The following MRPL13 variants were observed in gnomAD, a reference collection of about 807,000 sequenced individuals.
MRPL13 encodes large ribosomal subunit protein uL13m.
In MRPL13, 33 loss-of-function variants were observed where a neutral mutation model predicts 29.0. The observed-to-expected ratio is 1.14, with a 90% CI of 0.86 to 1.52. The LOEUF (loss-of-function observed/expected upper bound fraction) is 1.52, where lower values mean the gene tolerates loss of function less well. MRPL13 is among the 40% of genes most tolerant of loss of function. The pLI, the probability that MRPL13 is intolerant of heterozygous loss-of-function variation, is 0.00. For synonymous variants in MRPL13, 77 were observed against 68.4 expected (o/e 1.13, Z -0.62); for missense variants, 227 against 216.7 (o/e 1.05, Z -0.30).
In MRPL13 at chr8:120,399,949, T is replaced by C. The variant is rs72678261; in HGVS notation, c.516-3824A>G. Among the ~76,000 whole-genome samples the C allele has an allele frequency of 1.2e-3, 188 of 152,288 alleles. 1 individual carries two copies. Among genetic ancestry groups the C allele is most frequent in the Non-Finnish European group, 2.0e-3 (138 of 68,026 alleles). ...TCAAGAGTTAACTATCCTAAATATA[T>C]ATGCACCTAATTCAGGAGTACGCAG... On this transcript the variant is annotated intron_variant, in intron 6 of 6. Transcript: ENST00000306185.
At chr8:120,412,418 T>G (rs977277233) in intron 6 of MRPL13, among the ~76,000 whole-genome samples, 1 of 152,230 alleles carries the variant, frequency 6.6e-6, no homozygotes. Flanking sequence ...ACTTCAAGTG[T>G]GCTAAGTTGC....
chr8:120,403,467 A>G (rs1812627104), intron 6 of MRPL13, among the ~76,000 whole-genome samples: 1 of 151,982 alleles, frequency 6.6e-6, no homozygotes, highest in Non-Finnish European at 1.5e-5. Context: ...GTTGGGGGGA[A>G]CAACGCACAA....
intron 6 of MRPL13, among the ~76,000 whole-genome samples, chr8:120,412,850 A>G (rs977087952): frequency 6.6e-6 from 1 of 152,190 alleles, no homozygotes; most frequent in Non-Finnish European, 1.5e-5. Context: ...TCAGGCTTGA[A>G]TCCTTAATAT....
chr8:120,433,693 C>G (rs1275419040), intron 2 of MRPL13, among the ~76,000 whole-genome samples: 1 of 152,028 alleles, frequency 6.6e-6, no homozygotes, highest in Non-Finnish European at 1.5e-5. Flanking sequence ...TTCTAAGAAG[C>G]ATTTCTCTAC....
rs201028499 is a variant in MRPL13, at chr8:120,414,119, TA to T, written c.394-8del. ...GAATATCTTCTGGAATATACTACAT[TA>T]AAAAAAAATTTAGACTTAATTTTCT... On this transcript the variant is annotated splice_polypyrimidine_tract_variant and splice_region_variant and intron_variant, in intron 5 of 6. Coordinates refer to ENST00000306185, the MANE Select transcript of MRPL13 (RefSeq NM_014078.6). 2.0e-3 allele frequency: 3,070 copies of T among 1,505,128 alleles called. 32 individuals are homozygous for T. Among genetic ancestry groups the T allele is most frequent in the Admixed American group, 0.013 (532 of 41,710 alleles). 93.2% of individuals were successfully genotyped at this position (1,505,128 alleles called of 1,614,324 possible).
intron 2 of MRPL13, among the ~76,000 whole-genome samples, chr8:120,437,062 C>T (rs900087783): frequency 1.3e-5 from 2 of 152,038 alleles, no homozygotes; most frequent in Non-Finnish European, 2.9e-5. Flanking sequence ...AAAGGAGATA[C>T]GTATTCTAGA....
Position 120,414,130 on chromosome 8 carries a change from T to A in MRPL13, c.394-18A>T, listed in dbSNP as rs749180904. 10 of 1,474,404 alleles carry A rather than the reference T, an allele frequency of 6.8e-6. No individual in the cohort carries two copies. In the South Asian group the frequency reaches 1.4e-4, roughly 21 times the overall value. 91.3% of individuals were successfully genotyped at this position (1,474,404 alleles called of 1,614,324 possible). On this transcript the variant is annotated intron_variant, in intron 5 of 6. Coordinates refer to ENST00000306185, the MANE Select transcript of MRPL13 (RefSeq NM_014078.6). Reference sequence around the variant, plus strand: ...GGAATATACTACATTAAAAAAAAATTTAGACTTAATTTTCTTAAAATATCT... The same window carrying A: ...GGAATATACTACATTAAAAAAAAATATAGACTTAATTTTCTTAAAATATCT...
chr8:120,416,564 G>A (rs1442737572), intron 5 of MRPL13, among the ~76,000 whole-genome samples: 1 of 152,152 alleles, frequency 6.6e-6, no homozygotes, highest in African/African-American at 2.4e-5. Flanking sequence ...AAGGGGAAAT[G>A]AGGGAAAGAA....
intron 2 of MRPL13, among the ~76,000 whole-genome samples, chr8:120,435,941 TTATG>T (rs1211862755): frequency 6.6e-6 from 1 of 152,154 alleles, no homozygotes; most frequent in Non-Finnish European, 1.5e-5. Context: ...AAGTGTCTCT[TTATG>T]TATGTCCTTT....
Position 120,401,552 on chromosome 8 carries a change from A to C in MRPL13, c.516-5427T>G, listed in dbSNP as rs763260153. On this transcript the variant is annotated intron_variant, in intron 6 of 6. Coordinates refer to ENST00000306185, the MANE Select transcript of MRPL13 (RefSeq NM_014078.6). Reference sequence around the variant, plus strand: ...CAAACCTACAGCCAATATCATACTGAATGGCGAAAAGCTGGAAGCATTACC... The same window carrying C: ...CAAACCTACAGCCAATATCATACTGCATGGCGAAAAGCTGGAAGCATTACC... Among the ~76,000 whole-genome samples, 7 of 152,274 alleles carry C rather than the reference A, an allele frequency of 4.6e-5. No individual in the cohort carries two copies. In the South Asian group the frequency reaches 8.3e-4, roughly 18 times the overall value.
intron 4 of MRPL13, among the ~76,000 whole-genome samples, chr8:120,420,498 AAT>A (rs965639180): frequency 1.0e-4 from 15 of 147,578 alleles, no homozygotes; most frequent in South Asian, 4.2e-4. Context: ...AATATATATA[AAT>A]ATATATATAT....
At chr8:120,402,591 C>T (rs914036592) in intron 6 of MRPL13, among the ~76,000 whole-genome samples, 2 of 152,012 alleles carry the variant, frequency 1.3e-5, no homozygotes, top group African/African-American at 4.8e-5. Context: ...TAGGCATGGG[C>T]AGATTTCATG....
chr8:120,419,388 T>A (rs771821249), intron 5 of MRPL13, among the ~76,000 whole-genome samples: 3 of 152,020 alleles, frequency 2.0e-5, no homozygotes, highest in Admixed American at 6.6e-5. Context: ...AAGTAATTTT[T>A]AGCTGAATCA....
At chr8:120,412,626 C>A (rs1267444810) in intron 6 of MRPL13, among the ~76,000 whole-genome samples, 1 of 152,156 alleles carries the variant, frequency 6.6e-6, no homozygotes, top group Non-Finnish European at 1.5e-5. Flanking sequence ...GAAAATTTCA[C>A]AATTAATTTT....
rs200829263 is a variant in MRPL13 at position 120,396,128 on chromosome 8, G to C, written c.516-3C>G. 9.5e-6 allele frequency: 15 copies of C among 1,577,694 alleles called. No homozygotes were observed. Among genetic ancestry groups the C allele is most frequent in the Non-Finnish European group, 1.3e-5 (15 of 1,155,022 alleles). On this transcript the variant is annotated splice_polypyrimidine_tract_variant and splice_region_variant and intron_variant, in intron 6 of 6. Transcript: ENST00000306185. ...CTTATAGCCGATAATCTTCAGGTCTGAAAGAAAAAATCAACATATTTCTTC... is the reference window on the plus strand; with the variant it reads ...CTTATAGCCGATAATCTTCAGGTCTCAAAGAAAAAATCAACATATTTCTTC...
intron 6 of MRPL13, among the ~76,000 whole-genome samples, chr8:120,412,926 AAAAAATAAAAAT>A (rs1008829849): frequency 2.0e-5 from 3 of 152,302 alleles, no homozygotes; most frequent in Admixed American, 6.5e-5. Context: ...TTTCTCATTT[AAAAAATAAAAAT>A]AAAAATAAAA....
intron 3 of MRPL13, among the ~76,000 whole-genome samples, chr8:120,429,543 C>T (rs1812975070): frequency 6.6e-6 from 1 of 151,104 alleles, no homozygotes; most frequent in African/African-American, 2.4e-5. Flanking sequence ...GTTTATCAGC[C>T]CCTTATAAAA....
Position 120,432,111 on chromosome 8 carries a change from TCCCCAC to T in MRPL13, c.158_163del (p.Cys53_Asp55delinsTyr). 6.3e-7 allele frequency: 1 copy of T among 1,593,286 alleles called. No homozygotes were observed. Among genetic ancestry groups the T allele is most frequent in the Non-Finnish European group, 8.5e-7 (1 of 1,171,844 alleles). On this transcript the variant is annotated inframe_deletion, in exon 3 of 7. Transcript: ENST00000306185. ...TCTTGTGTTCATTATAACAACATGATCCCCACAGTCACCTACATTTTAAAAAGAAAC... is the reference window on the plus strand; with the variant it reads ...TCTTGTGTTCATTATAACAACATGATAGTCACCTACATTTTAAAAAGAAAC...
At chr8:120,424,546 C>G (rs1721966212) in intron 4 of MRPL13, among the ~76,000 whole-genome samples, 2 of 152,030 alleles carry the variant, frequency 1.3e-5, no homozygotes, top group Admixed American at 1.3e-4. Context: ...GGGAGGATGG[C>G]TTGAGCCCAT....
Sources: allele counts gnomAD v4.1 joint callset (sites outside exome capture counted in the v4.1 genomes callset), GRCh38; gene constraint gnomAD v4.1.1; transcripts MANE v1.5; gene names NCBI Gene and HGNC (gene_info 2026-07-23, HGNC 2026-07-21).